MAPKAP1: variants seen among roughly 807,000 people sequenced by gnomAD.
The protein encoded by MAPKAP1 is MAPK associated protein 1, also known as target of rapamycin complex 2 subunit MAPKAP1.
MAPKAP1 carries 20 observed loss-of-function variants against 65.7 expected under a neutral mutation model. The observed-to-expected ratio is 0.30, with a 90% CI of 0.21 to 0.44. MAPKAP1 has a LOEUF of 0.44. MAPKAP1 is among the 20% of genes least tolerant of loss of function. The pLI is 1.00. For missense variants in MAPKAP1, 423 were observed against 648.0 expected, an observed-to-expected ratio of 0.65 and a Z score of 3.77; for synonymous variants, 222 against 244.3, an observed-to-expected ratio of 0.91 and a Z score of 0.85.
intron 3 of MAPKAP1, among the ~76,000 whole-genome samples, chr9:125,664,949 G>A (rs1834298348): frequency 2.0e-5 from 3 of 151,994 alleles, no homozygotes; most frequent in Admixed American, 6.6e-5. Context: ...TGGCCTCTGA[G>A]CACCAGTTTT....
intron 8 of MAPKAP1, among the ~76,000 whole-genome samples, chr9:125,499,702 T>C (rs1828912206): frequency 1.3e-5 from 2 of 150,356 alleles, no homozygotes; most frequent in Admixed American, 1.3e-4. Context: ...AAAACTGGGC[T>C]TATCTTTTTT....
intron 4 of MAPKAP1, among the ~76,000 whole-genome samples, chr9:125,631,969 C>T (rs1437404398): frequency 1.3e-5 from 2 of 152,120 alleles, no homozygotes; most frequent in African/African-American, 4.8e-5. Flanking sequence ...TCTGTAATCC[C>T]AGCACTTTGC....
rs1226577917 is a variant in MAPKAP1, at chr9:125,447,137, C to T, written c.1346-2539G>A. ...ATTTGAACCAAGTAACCTCAAATCCCGTCCTCTGAATTTTGAATGTATTTG... is the reference window on the plus strand; with the variant it reads ...ATTTGAACCAAGTAACCTCAAATCCTGTCCTCTGAATTTTGAATGTATTTG... On this transcript the variant is annotated intron_variant, in intron 10 of 11. Transcript: ENST00000265960. The surrounding 1 kb of genome is among the most constrained non-coding windows in gnomAD (Gnocchi z 4.5). Among the ~76,000 whole-genome samples, 3 of 152,212 alleles carry T rather than the reference C, an allele frequency of 2.0e-5. No homozygotes were observed. In the East Asian group the frequency reaches 5.8e-4, roughly 29 times the overall value.
At chr9:125,578,185 A>G (rs900638169) in intron 5 of MAPKAP1, among the ~76,000 whole-genome samples, 4 of 152,194 alleles carry the variant, frequency 2.6e-5, no homozygotes, top group African/African-American at 9.7e-5. Flanking sequence ...GGTTGAATGG[A>G]TTAAGGGCGT....
chr9:125,596,367 G>A, intron 4 of MAPKAP1: 1 of 796,974 alleles, frequency 1.3e-6, no homozygotes, highest in South Asian at 1.3e-5. Context: ...CCATGGTGGT[G>A]GTGGATATGG....
chr9:125,643,634 C>T (rs572157846), intron 4 of MAPKAP1, among the ~76,000 whole-genome samples: 10 of 152,160 alleles, frequency 6.6e-5, no homozygotes, highest in African/African-American at 2.4e-4. Context: ...TTTAACTAAT[C>T]CTCTATTATT....
At chr9:125,519,778 C>T (rs183391480) in intron 7 of MAPKAP1, among the ~76,000 whole-genome samples, 53 of 151,962 alleles carry the variant, frequency 3.5e-4, no homozygotes, top group African/African-American at 1.2e-3. Context: ...GATAACTATG[C>T]CCGCCCCAGC....
At chr9:125,598,316 G>A (rs955536910) in intron 4 of MAPKAP1, among the ~76,000 whole-genome samples, 1 of 152,130 alleles carries the variant, frequency 6.6e-6, no homozygotes, top group Non-Finnish European at 1.5e-5. Context: ...ACATTTCCCT[G>A]ATCTGGTACC....
At chr9:125,484,640 T>G in intron 8 of MAPKAP1, 57 bp from the exon 9 acceptor site, 72 of 1,527,726 alleles carry the variant, frequency 4.7e-5, no homozygotes, top group Non-Finnish European at 6.1e-5. Flanking sequence ...GCAAATGGTG[T>G]CTGCTTAAAA....
chr9:125,506,505 G>T, intron 7 of MAPKAP1, 88 bp from the exon 8 acceptor site: 1 of 1,084,442 alleles, frequency 9.2e-7, no homozygotes, highest in Non-Finnish European at 1.4e-6. Flanking sequence ...GTGAAAAGCT[G>T]ATAAAGCCTT....
intron 9 of MAPKAP1, among the ~76,000 whole-genome samples, chr9:125,475,528 G>A (rs754648489): frequency 1.6e-4 from 24 of 152,302 alleles, no homozygotes; most frequent in Middle Eastern, 3.4e-3. Context: ...TGACAAGTCC[G>A]AGTGTACCTG....
At chr9:125,570,922 TA>T (rs35868224) in intron 5 of MAPKAP1, among the ~76,000 whole-genome samples, 4,985 of 142,834 alleles carry the variant, frequency 0.035, 126 homozygotes, top group African/African-American at 0.076. Flanking sequence ...TGCTCTTTCA[TA>T]AAAAAAAAAA....
chr9:125,553,022 T>C (rs112919801), intron 6 of MAPKAP1, among the ~76,000 whole-genome samples: 2,196 of 152,314 alleles, frequency 0.014, 18 homozygotes, highest in South Asian at 0.041. Flanking sequence ...GTGCTTTTCA[T>C]TGAACTAAAA....
At chr9:125,541,951 T>C (rs1256960665) in intron 7 of MAPKAP1, among the ~76,000 whole-genome samples, 1 of 152,222 alleles carries the variant, frequency 6.6e-6, no homozygotes, top group East Asian at 1.9e-4. Context: ...AGTTGGCACA[T>C]CTGGACGGAG....
At chr9:125,695,171 T>A (rs1276811371) in intron 1 of MAPKAP1, among the ~76,000 whole-genome samples, 1 of 152,242 alleles carries the variant, frequency 6.6e-6, no homozygotes. Flanking sequence ...CTTCATTCGC[T>A]TGTAAACTGT....
chr9:125,589,246 T>C (rs553468290), intron 4 of MAPKAP1, among the ~76,000 whole-genome samples: 53 of 152,354 alleles, frequency 3.5e-4, no homozygotes, highest in African/African-American at 1.2e-3. Context: ...CTCTCACACA[T>C]GTCCTGTTCA....
At chr9:125,577,993 G>A (rs1447682620) in intron 5 of MAPKAP1, among the ~76,000 whole-genome samples, 6 of 151,974 alleles carry the variant, frequency 3.9e-5, no homozygotes, top group Admixed American at 3.3e-4. Context: ...ATAGAAAGGG[G>A]GGAAAGGTGG....
rs1207056791 is a variant in MAPKAP1, at chr9:125,672,409, C to T, written c.166G>A (p.Gly56Arg). Reference protein sequence around the residue: ...MPGDSGSEIQGSNGETQGYVY... With the variant: ...MPGDSGSEIQRSNGETQGYVY... The stretch of plus-strand genomic sequence containing the variant: ...TAGCCCTGAGTCTCACCATTGCTTC[C>T]CTGAATTTCTGACCCACTGTCTCCA... Residue 56 changes from glycine (G) to arginine (R), a missense_variant, in exon 2 of 12, where the codon GGA (glycine) becomes AGA (arginine). Gly to Arg is a moderately radical substitution (Grantham distance 125). This residue lies in a region of MAPKAP1 where 58 missense variants were observed against 56.9 expected (regional missense o/e 1.02). Coordinates refer to ENST00000265960, the MANE Select transcript of MAPKAP1 (RefSeq NM_001006617.3). 12 of 1,614,044 alleles carry T rather than the reference C, an allele frequency of 7.4e-6. No individual in the cohort carries two copies. In the Admixed American group the frequency reaches 2.0e-4, roughly 27 times the overall value.
At chr9:125,692,051 A>G (rs1339164331) in intron 1 of MAPKAP1, among the ~76,000 whole-genome samples, 1 of 152,240 alleles carries the variant, frequency 6.6e-6, no homozygotes, top group Non-Finnish European at 1.5e-5. Context: ...GGCTGACCTT[A>G]TGCATTGTTG....
Sources: gnomAD v4.1 joint callset for allele counts (sites outside exome capture counted in the v4.1 genomes callset) on GRCh38, gnomAD v4.1.1 for gene constraint, gnomAD v4.1.1 regional missense constraint, Gnocchi (gnomAD v3.1) non-coding constraint, MANE v1.5 for transcripts, NCBI Gene and HGNC (gene_info 2026-07-23, HGNC 2026-07-21) for gene names.